The following RIMS1 variants were observed in gnomAD, a reference collection of about 807,000 sequenced individuals.
RIMS1 encodes regulating synaptic membrane exocytosis 1.
Under a neutral mutation model 214.1 loss-of-function variants are expected in RIMS1, and 83 were observed. The observed-to-expected ratio is 0.39, with a 90% confidence interval of 0.32 to 0.47. RIMS1 has a LOEUF of 0.47. Ranked by LOEUF, RIMS1 falls within the 20% of genes least tolerant of loss-of-function variation. RIMS1 has a pLI of 0.99. For synonymous variants in RIMS1, 793 were observed against 786.8 expected, an observed-to-expected ratio of 1.01 and a Z score of -0.13; for missense variants, 2,050 against 2,161.8, an observed-to-expected ratio of 0.95 and a Z score of 1.03.
At position 72,178,500 on chromosome 6, in the gene RIMS1, G is replaced by A. The variant is rs150246052; in HGVS notation, c.472-1075G>A. On this transcript the variant is annotated intron_variant, in intron 4 of 33. Coordinates refer to ENST00000521978, the MANE Select transcript of RIMS1 (RefSeq NM_014989.7). ...ATATTTTTGAGTACATGTTGATTGAGTCAGTATTTGTGAAAAGGAAGCCTA... is the reference window on the plus strand; with the variant it reads ...ATATTTTTGAGTACATGTTGATTGAATCAGTATTTGTGAAAAGGAAGCCTA... Among the ~76,000 whole-genome samples the A allele has an allele frequency of 3.2e-3, 493 of 152,250 alleles. 7 individuals are homozygous for A. The highest frequency in any genetic ancestry group is 0.011 in the African/African-American group (450 of 41,538).
chr6:72,240,181 C>T (rs2066110714), intron 9 of RIMS1, among the ~76,000 whole-genome samples: 1 of 151,820 alleles, frequency 6.6e-6, no homozygotes, highest in East Asian at 1.9e-4. Flanking sequence ...ATTATCCATA[C>T]ATAAATAATG....
intron 1 of RIMS1, among the ~76,000 whole-genome samples, chr6:71,961,139 G>T (rs9442723): frequency 6.6e-6 from 1 of 152,076 alleles, no homozygotes; most frequent in African/African-American, 2.4e-5. Context: ...AAGAGGTAGA[G>T]AAATAATTTT....
At chr6:71,989,437 C>T (rs1393427104) in intron 2 of RIMS1, among the ~76,000 whole-genome samples, 1 of 152,156 alleles carries the variant, frequency 6.6e-6, no homozygotes, top group Non-Finnish European at 1.5e-5. Context: ...ATGGGTGAAG[C>T]TTCACTCACC....
intron 4 of RIMS1, among the ~76,000 whole-genome samples, chr6:72,126,447 T>A (rs1222558008): frequency 6.6e-6 from 1 of 152,042 alleles, no homozygotes; most frequent in East Asian, 1.9e-4. Context: ...GAAAAGCTTC[T>A]GCACAACAAA....
chr6:72,038,438 A>G (rs911492898), intron 2 of RIMS1, among the ~76,000 whole-genome samples: 1 of 151,900 alleles, frequency 6.6e-6, no homozygotes, highest in Non-Finnish European at 1.5e-5. Context: ...AGATAAGAAT[A>G]CCCTTCAAAT....
chr6:72,127,726 C>T (rs1175971190), intron 4 of RIMS1, among the ~76,000 whole-genome samples: 1 of 152,176 alleles, frequency 6.6e-6, no homozygotes, highest in Non-Finnish European at 1.5e-5. Context: ...AAAATAAAAT[C>T]TTCTTCCAAC....
intron 2 of RIMS1, among the ~76,000 whole-genome samples, chr6:72,022,180 T>C (rs68168811): frequency 0.067 from 10,219 of 152,242 alleles, 393 homozygotes; most frequent in Non-Finnish European, 0.083. Flanking sequence ...TAAGCTATAT[T>C]GTTTTCCAAA....
At chr6:72,343,042 G>T (rs866632229) in intron 29 of RIMS1, among the ~76,000 whole-genome samples, 1 of 151,772 alleles carries the variant, frequency 6.6e-6, no homozygotes, top group Non-Finnish European at 1.5e-5. Context: ...CTGCTGAGCA[G>T]CACTTATCCA....
chr6:72,025,908 G>A (rs937332617), intron 2 of RIMS1, among the ~76,000 whole-genome samples: 1 of 152,208 alleles, frequency 6.6e-6, no homozygotes, highest in Non-Finnish European at 1.5e-5. Context: ...CTTGGTGCTA[G>A]AAAAGGTCAT....
chr6:72,127,626 A>G (rs2039781407), intron 4 of RIMS1, among the ~76,000 whole-genome samples: 1 of 152,164 alleles, frequency 6.6e-6, no homozygotes. Context: ...GACACTCTCC[A>G]GAGGTTCTGT....
chr6:71,953,944 T>A (rs954847600), intron 1 of RIMS1, among the ~76,000 whole-genome samples: 12 of 152,226 alleles, frequency 7.9e-5, no homozygotes, highest in Non-Finnish European at 1.5e-4. Flanking sequence ...TCTTAAACTA[T>A]CTATGCCTTT....
At chr6:72,254,951 A>C (rs2075161887) in intron 16 of RIMS1, among the ~76,000 whole-genome samples, 2 of 152,234 alleles carry the variant, frequency 1.3e-5, no homozygotes, top group Non-Finnish European at 2.9e-5. Context: ...AAATGTAATG[A>C]GTCAAACTTT....
At chr6:72,231,863 C>T (rs2062096348) in intron 6 of RIMS1, among the ~76,000 whole-genome samples, 2 of 151,510 alleles carry the variant, frequency 1.3e-5, no homozygotes, top group South Asian at 2.1e-4. Context: ...ATGTTTTACT[C>T]ATATTTGATT....
chr6:71,929,171 A>C (rs1014390748), intron 1 of RIMS1, among the ~76,000 whole-genome samples: 1 of 152,056 alleles, frequency 6.6e-6, no homozygotes, highest in Non-Finnish European at 1.5e-5. Context: ...CTTCCCTGGT[A>C]GAGGGTACTC....
chr6:72,064,868 G>A (rs999444566), intron 2 of RIMS1, among the ~76,000 whole-genome samples: 10 of 152,240 alleles, frequency 6.6e-5, no homozygotes, highest in East Asian at 1.9e-4. Flanking sequence ...GACATTCAAC[G>A]CCTGCATTTT....
At chr6:72,297,939 G>A (rs986482530) in intron 26 of RIMS1, among the ~76,000 whole-genome samples, 2 of 151,988 alleles carry the variant, frequency 1.3e-5, no homozygotes, top group African/African-American at 4.8e-5. Context: ...TATCTTATTA[G>A]AGAATTCAGG....
rs869130217 is a variant in RIMS1, at chr6:72,038,090, C to CAAAA, written c.246-58833_246-58830dup. Among the ~76,000 whole-genome samples the CAAAA allele has an allele frequency of 1.1e-3, 25 of 22,234 alleles. 3 individuals are homozygous for CAAAA. The highest frequency in any genetic ancestry group is 1.6e-3 in the Non-Finnish European group (20 of 12,470). The allele number at this position is 22,234 out of a possible 152,430, so 14.6% of individuals were successfully genotyped here. ...TTCAGTTCTCTGTTGAACAAACAAG[C>CAAAA]AAAAAAAAAAAAAAAAAAAAAAAAA... On this transcript the variant is annotated intron_variant, in intron 2 of 33. Coordinates refer to ENST00000521978, the MANE Select transcript of RIMS1 (RefSeq NM_014989.7).
intron 12 of RIMS1, among the ~76,000 whole-genome samples, chr6:72,249,804 G>A (rs967882576): frequency 7.9e-5 from 12 of 151,938 alleles, no homozygotes; most frequent in African/African-American, 2.4e-4. Flanking sequence ...AAAATACCAG[G>A]AAATACTAAA....
chr6:72,069,322 G>T lies in RIMS1; in HGVS notation c.246-27627G>T, dbSNP rs1311617675. Among the ~76,000 whole-genome samples, 14 of 152,300 alleles carry T rather than the reference G, an allele frequency of 9.2e-5. 1 individual carries two copies. The highest frequency in any genetic ancestry group is 3.1e-4 in the African/African-American group (13 of 41,574). On this transcript the variant is annotated intron_variant, in intron 2 of 33. Transcript: ENST00000521978. ...TGTTGTGGCAGTGCAAAGGCGAAAG[G>T]TAGCTGAAGGCCCTGAACAGTCAGG...
Sources: allele counts gnomAD v4.1 joint callset (sites outside exome capture counted in the v4.1 genomes callset), GRCh38; gene constraint gnomAD v4.1.1; transcripts MANE v1.5; gene names NCBI Gene and HGNC (gene_info 2026-07-23, HGNC 2026-07-21).